Variants in RASSF2 observed in about 807,000 individuals in gnomAD.
RASSF2 encodes ras association domain-containing protein 2.
RASSF2 carries 34 observed loss-of-function variants against 46.3 expected under a neutral mutation model. The observed-to-expected ratio is 0.73, with a 90% CI of 0.56 to 0.98. The LOEUF is 0.98. RASSF2 is among the 50% of genes least tolerant of loss of function. The probability of loss-of-function intolerance (pLI) is 0.00; values close to 1 mark genes in which losing one functional copy is unlikely to be tolerated. For synonymous variants in RASSF2, 158 were observed against 162.5 expected (o/e 0.97, Z 0.21); for missense variants, 364 against 431.2 (o/e 0.84, Z 1.38).
At chr20:4,806,548 G>A (rs924265838) in intron 2 of RASSF2, among the ~76,000 whole-genome samples, 4 of 152,138 alleles carry the variant, frequency 2.6e-5, no homozygotes, top group African/African-American at 4.8e-5. Flanking sequence ...GGCCTCAAGC[G>A]ATCCTCCCGC....
Position 4,790,963 on chromosome 20 carries a change from A to G in RASSF2, c.377-352T>C, listed in dbSNP as rs138248779. 6.2e-4 allele frequency among the ~76,000 whole-genome samples: 94 copies of G among 152,346 alleles called. No individual in the cohort carries two copies. Among genetic ancestry groups the G allele is most frequent in the African/African-American group, 2.2e-3 (92 of 41,582 alleles). ...GGTTTAAATGAGTTAGTATACATAA[A>G]GCACTTAGAATAGTGCCTGGCACAG... is the stretch of plus-strand genomic sequence containing the variant. On this transcript the variant is annotated intron_variant, in intron 6 of 11. Transcript: ENST00000379400. The surrounding 1 kb of genome is among the most constrained non-coding windows in gnomAD (Gnocchi z 4.3).
chr20:4,821,910 A>AG (rs1928716414), intron 2 of RASSF2, among the ~76,000 whole-genome samples: 3 of 152,218 alleles, frequency 2.0e-5, no homozygotes, highest in Admixed American at 2.0e-4. Context: ...CCCCCACGCA[A>AG]GGGTCTCTGA....
intron 11 of RASSF2, 63 bp from the exon 12 acceptor site, chr20:4,784,405 C>T: frequency 1.3e-6 from 2 of 1,511,926 alleles, no homozygotes; most frequent in Non-Finnish European, 1.8e-6. Flanking sequence ...CCAGGACCTT[C>T]CCGGCCACCT....
intron 2 of RASSF2, among the ~76,000 whole-genome samples, chr20:4,813,211 A>ACCTCCT: frequency 6.6e-6 from 1 of 152,170 alleles, no homozygotes; most frequent in Non-Finnish European, 1.5e-5. Context: ...CTGGCAAGCT[A>ACCTCCT]CCGCACTCCC....
Position 4,802,912 on chromosome 20 carries a change from A to ATTT in RASSF2, c.-32-1851_-32-1850insAAA, listed in dbSNP as rs1248904141. Among the ~76,000 whole-genome samples the ATTT allele has an allele frequency of 7.0e-4, 42 of 60,082 alleles. No individual in the cohort carries two copies. The East Asian group carries it at 0.017, about 24-fold the overall frequency. 39.4% of individuals were successfully genotyped at this position (60,082 alleles called of 152,430 possible). A position where few individuals can be genotyped will look rare whatever the true frequency, so the allele number is the denominator to read the frequency against. ...TATATATATACATATATATATATAT[A>ATTT]TATTTTTTTTTTTTGAGACAGAGAC... On this transcript the variant is annotated intron_variant, in intron 2 of 11. Coordinates refer to ENST00000379400, the MANE Select transcript of RASSF2 (RefSeq NM_014737.3).
chr20:4,798,294 G>A (rs1311622870), intron 3 of RASSF2, among the ~76,000 whole-genome samples: 2 of 152,018 alleles, frequency 1.3e-5, no homozygotes, highest in Admixed American at 6.6e-5. Flanking sequence ...AGTCAAGAGT[G>A]AGCACCACCC....
intron 11 of RASSF2, among the ~76,000 whole-genome samples, chr20:4,784,679 C>T (rs1170539974): frequency 1.3e-5 from 2 of 151,228 alleles, no homozygotes; most frequent in Admixed American, 1.3e-4. Flanking sequence ...TTACTATGTC[C>T]AAGACACTAT....
chr20:4,814,230 T>G (rs796402260), intron 2 of RASSF2, among the ~76,000 whole-genome samples: 18 of 152,284 alleles, frequency 1.2e-4, no homozygotes, highest in African/African-American at 4.1e-4. Context: ...CGATGGCCCA[T>G]CTGAGGGTTC....
intron 2 of RASSF2, among the ~76,000 whole-genome samples, chr20:4,813,830 G>A (rs1206978229): frequency 6.6e-6 from 1 of 151,940 alleles, no homozygotes; most frequent in African/African-American, 2.4e-5. Flanking sequence ...GGTGTGTATG[G>A]CTGTGTATGT....
chr20:4,817,131 C>T (rs1467613023), intron 2 of RASSF2, among the ~76,000 whole-genome samples: 1 of 152,136 alleles, frequency 6.6e-6, no homozygotes. Flanking sequence ...TCATATTCTT[C>T]CACGTTAATA....
In RASSF2 at chr20:4,790,618, G is replaced by A. The variant is rs767417987; in HGVS notation, c.377-7C>T. ...GGCTTCAGGCCCCTGGAGTCTGAGAGAGGAGAGGGAAATGAACTCTGTCTG... is the reference window on the plus strand; with the variant it reads ...GGCTTCAGGCCCCTGGAGTCTGAGAAAGGAGAGGGAAATGAACTCTGTCTG... On this transcript the variant is annotated splice_region_variant and splice_polypyrimidine_tract_variant and intron_variant, in intron 6 of 11. Coordinates refer to ENST00000379400, the MANE Select transcript of RASSF2 (RefSeq NM_014737.3). The surrounding 1 kb of genome is among the most constrained non-coding windows in gnomAD (Gnocchi z 4.3). 2 of 1,515,664 alleles carry A rather than the reference G, an allele frequency of 1.3e-6. No individual in the cohort carries two copies. The allele number at this position is 1,515,664 out of a possible 1,614,324, so 93.9% of individuals were successfully genotyped here.
At chr20:4,793,824 T>G (rs987343553) in intron 5 of RASSF2, among the ~76,000 whole-genome samples, 2 of 152,158 alleles carry the variant, frequency 1.3e-5, no homozygotes, top group East Asian at 3.9e-4. Flanking sequence ...CACTGTATTA[T>G]AGCTGACATC....
intron 4 of RASSF2, among the ~76,000 whole-genome samples, 172 bp downstream of exon 4, chr20:4,797,838 C>A (rs1463355124): frequency 6.6e-6 from 1 of 152,172 alleles, no homozygotes; most frequent in Admixed American, 6.5e-5. Context: ...CTTTTTGGAA[C>A]AAAACTGGGC....
chr20:4,804,245 T>C (rs1568574806), intron 2 of RASSF2, among the ~76,000 whole-genome samples: 1 of 151,708 alleles, frequency 6.6e-6, no homozygotes, highest in Non-Finnish European at 1.5e-5. Flanking sequence ...AATTTTATTA[T>C]TTTTTTTACT....
intron 4 of RASSF2, among the ~76,000 whole-genome samples, chr20:4,796,752 C>CTT: frequency 6.6e-6 from 1 of 152,328 alleles, no homozygotes; most frequent in East Asian, 1.9e-4. Flanking sequence ...TCATGAAGCA[C>CTT]TTTTAATCAT....
intron 11 of RASSF2, 107 bp from the exon 12 acceptor site, chr20:4,784,449 A>C: frequency 3.0e-6 from 3 of 998,868 alleles, no homozygotes; most frequent in Non-Finnish European, 4.7e-6. Flanking sequence ...GTAACAGTGC[A>C]GTCAAGTGCC....
At chr20:4,815,008 T>G (rs1319959974) in intron 2 of RASSF2, 1 of 152,206 alleles carries the variant, frequency 6.6e-6, no homozygotes, top group East Asian at 1.9e-4. Context: ...AGCCACCCAC[T>G]GGGCAGGGCC....
intron 7 of RASSF2, 134 bp from the exon 8 acceptor site, chr20:4,789,831 C>A (rs772623540): frequency 1.4e-6 from 1 of 703,824 alleles, no homozygotes; most frequent in Non-Finnish European, 2.4e-6. Flanking sequence ...GACTGGCAAG[C>A]AGCAGGCTTT....
intron 2 of RASSF2, among the ~76,000 whole-genome samples, chr20:4,813,311 C>A (rs1601134003): frequency 6.6e-6 from 1 of 152,280 alleles, no homozygotes; most frequent in East Asian, 1.9e-4. Context: ...AGCATGTCAG[C>A]CTACGAAGCC....
Sources: gnomAD v4.1 joint callset for allele counts (sites outside exome capture counted in the v4.1 genomes callset) on GRCh38, gnomAD v4.1.1 for gene constraint, Gnocchi (gnomAD v3.1) non-coding constraint, MANE v1.5 for transcripts, NCBI Gene and HGNC (gene_info 2026-07-23, HGNC 2026-07-21) for gene names.